Variants in ANKRD13C observed in about 807,000 individuals in gnomAD.
ANKRD13C encodes ankyrin repeat domain-containing protein 13C.
In ANKRD13C, 16 loss-of-function variants were observed where a neutral mutation model predicts 65.5. That is an observed-to-expected ratio of 0.24 (90% CI 0.17 to 0.37). The LOEUF (loss-of-function observed/expected upper bound fraction) is 0.37, where lower values mean the gene tolerates loss of function less well. ANKRD13C is among the 10% of genes least tolerant of loss of function. The probability of loss-of-function intolerance (pLI) is 1.00; values close to 1 mark genes in which losing one functional copy is unlikely to be tolerated. For missense variants in ANKRD13C, 503 were observed against 655.9 expected (o/e 0.77, Z 2.55); for synonymous variants, 235 against 238.7 (o/e 0.98, Z 0.14).
In ANKRD13C at chr1:70,268,955, T is replaced by C. The variant is rs536494036; in HGVS notation, c.1495+1901A>G. On this transcript the variant is annotated intron_variant, in intron 12 of 12. Coordinates refer to ENST00000370944, the MANE Select transcript of ANKRD13C (RefSeq NM_030816.5). ...GCACAATGTGCAGGTTAGTTACATA[T>C]GTATACATGTGCCATGCTGGTGCGC... Among the ~76,000 whole-genome samples the C allele has an allele frequency of 2.6e-5, 4 of 152,196 alleles. No homozygotes were observed. The East Asian group carries it at 7.7e-4, about 29-fold the overall frequency.
chr1:70,333,975 G>A (rs1681913907), intron 2 of ANKRD13C, among the ~76,000 whole-genome samples: 2 of 152,040 alleles, frequency 1.3e-5, no homozygotes, highest in South Asian at 4.1e-4. Context: ...AGAAAAAAAA[G>A]CCATAACTAT....
intron 1 of ANKRD13C, among the ~76,000 whole-genome samples, chr1:70,342,739 A>AACACACACACACACAC (rs373447795): frequency 2.0e-4 from 23 of 115,362 alleles, no homozygotes; most frequent in African/African-American, 6.5e-4. Context: ...CACACACAAT[A>AACACACACACACACAC]ACACACACAC....
chr1:70,328,618 C>A (rs1294198978), intron 2 of ANKRD13C, among the ~76,000 whole-genome samples: 3 of 152,040 alleles, frequency 2.0e-5, no homozygotes, highest in African/African-American at 7.2e-5. Flanking sequence ...GCCGAGACAG[C>A]GCCATTACAC....
chr1:70,340,120 G>T (rs138966348), intron 1 of ANKRD13C, among the ~76,000 whole-genome samples: 92 of 152,066 alleles, frequency 6.0e-4, no homozygotes, highest in African/African-American at 2.0e-3. Flanking sequence ...AAAATATTGG[G>T]ATTATAGGCA....
At chr1:70,324,792 T>G in intron 3 of ANKRD13C, 61 bp downstream of exon 3, 1 of 1,214,156 alleles carries the variant, frequency 8.2e-7, no homozygotes, top group Non-Finnish European at 1.2e-6. Flanking sequence ...GAAGAATATT[T>G]CAAATGCATC....
At chr1:70,282,643 C>T (rs547737504) in intron 9 of ANKRD13C, among the ~76,000 whole-genome samples, 12 of 152,188 alleles carry the variant, frequency 7.9e-5, no homozygotes, top group African/African-American at 2.2e-4. Flanking sequence ...AGTAGAATGA[C>T]GAAGAGGCTT....
In ANKRD13C at chr1:70,262,582, T is replaced by A. The variant is rs182339214; in HGVS notation, c.*135A>T. ...CTTATTAGAGGCCCATTTCACTGTA[T>A]CGTATTACTGATGTGTCGATTCAAT... On this transcript the variant is annotated 3_prime_UTR_variant, in exon 13 of 13. Transcript: ENST00000370944. 593 of 981,938 alleles carry A rather than the reference T, an allele frequency of 6.0e-4. 4 individuals are homozygous for A. Among genetic ancestry groups the A allele is most frequent in the Admixed American group, 1.7e-3 (64 of 38,716 alleles). 60.8% of individuals were successfully genotyped at this position (981,938 alleles called of 1,614,324 possible).
In ANKRD13C at chr1:70,278,266, G is replaced by A. The variant is rs148843268; in HGVS notation, c.1216-1422C>T. 1.1e-3 allele frequency among the ~76,000 whole-genome samples: 174 copies of A among 152,110 alleles called. 3 individuals carry two copies. In the East Asian group the frequency reaches 0.031, roughly 27 times the overall value. ...CTAGCACTTCGGGAGGTCAAGGCAG[G>A]TGGATCACTTGAGGTGAGGGGTTCA... is the stretch of plus-strand genomic sequence containing the variant. On this transcript the variant is annotated intron_variant, in intron 9 of 12. Transcript: ENST00000370944.
Position 70,354,245 on chromosome 1 carries a change from C to A in ANKRD13C, c.164G>T (p.Ser55Ile). ...KGGKACHKIFSNHHHRLQLKA... is the reference protein window; with the variant it reads ...KGGKACHKIFINHHHRLQLKA... ...CAGCTGTAGCCGGTGGTGATGGTTA[C>A]TGAAGATCTTATGACAAGCTTTGCC... Residue 55 changes from serine (S) to isoleucine (I), a missense_variant, in exon 1 of 13, where the codon AGT becomes ATT. Transcript: ENST00000370944. The A allele has an allele frequency of 6.2e-7, 1 of 1,613,584 alleles. No individual in the cohort carries two copies. Among genetic ancestry groups the A allele is most frequent in the Non-Finnish European group, 8.5e-7 (1 of 1,180,034 alleles).
At chr1:70,274,473 CAA>C (rs769480539) in intron 11 of ANKRD13C, among the ~76,000 whole-genome samples, 540 of 38,622 alleles carry the variant, frequency 0.014, 1 homozygote, top group African/African-American at 0.043. Flanking sequence ...GACTCCATCT[CAA>C]AAAAAAAAAA....
chr1:70,296,399 TA>T (rs1483940806), intron 7 of ANKRD13C, 138 bp from the exon 8 acceptor site: 2 of 813,906 alleles, frequency 2.5e-6, no homozygotes, highest in Non-Finnish European at 3.7e-6. Context: ...TGTGAAGTGT[TA>T]CTTACTCTAA....
At chr1:70,323,517 C>A (rs868669439) in intron 3 of ANKRD13C, among the ~76,000 whole-genome samples, 34 of 151,786 alleles carry the variant, frequency 2.2e-4, no homozygotes, top group South Asian at 2.1e-3. Context: ...GTGGCAGGCA[C>A]CTGTGATCCC....
At chr1:70,316,941 A>T (rs1681098476) in intron 3 of ANKRD13C, among the ~76,000 whole-genome samples, 1 of 152,200 alleles carries the variant, frequency 6.6e-6, no homozygotes, top group Admixed American at 6.5e-5. Flanking sequence ...GCTTTTTAAA[A>T]ATCAGTAAAT....
Position 70,268,978 on chromosome 1 carries a change from C to T in ANKRD13C, c.1495+1878G>A, listed in dbSNP as rs373605098. On this transcript the variant is annotated intron_variant, in intron 12 of 12. Coordinates refer to ENST00000370944, the MANE Select transcript of ANKRD13C (RefSeq NM_030816.5). ...TATGTATACATGTGCCATGCTGGTGCGCTGCACCCACTAACTCGTCATCTA... is the reference window on the plus strand; with the variant it reads ...TATGTATACATGTGCCATGCTGGTGTGCTGCACCCACTAACTCGTCATCTA... 4.9e-4 allele frequency among the ~76,000 whole-genome samples: 74 copies of T among 151,680 alleles called. 2 individuals carry two copies. Among genetic ancestry groups the T allele is most frequent in the Admixed American group, 8.5e-4 (13 of 15,222 alleles).
chr1:70,299,846 A>T (rs1429479775), intron 7 of ANKRD13C, among the ~76,000 whole-genome samples: 1 of 152,208 alleles, frequency 6.6e-6, no homozygotes, highest in Admixed American at 6.5e-5. Context: ...GTATGGACAC[A>T]AACATATATT....
intron 4 of ANKRD13C, 75 bp from the exon 5 acceptor site, chr1:70,313,865 C>T: frequency 1.9e-6 from 2 of 1,059,334 alleles, no homozygotes; most frequent in Non-Finnish European, 2.9e-6. Context: ...TATGGCTATT[C>T]CTTAAAACAT....
At chr1:70,304,940 T>C (rs1680524440) in intron 6 of ANKRD13C, among the ~76,000 whole-genome samples, 1 of 152,166 alleles carries the variant, frequency 6.6e-6, no homozygotes, top group South Asian at 2.1e-4. Context: ...AGCACTTTTA[T>C]AATTAGAAAC....
chr1:70,337,666 A>C (rs1213919527), intron 1 of ANKRD13C, among the ~76,000 whole-genome samples: 1 of 152,230 alleles, frequency 6.6e-6, no homozygotes, highest in Non-Finnish European at 1.5e-5. Flanking sequence ...GGATTACAGA[A>C]AATCTCTTGA....
intron 11 of ANKRD13C, among the ~76,000 whole-genome samples, chr1:70,272,508 C>T (rs757945305): frequency 1.3e-5 from 2 of 152,100 alleles, no homozygotes; most frequent in Non-Finnish European, 2.9e-5. Context: ...GTGTGCACCA[C>T]CATGTCCGGC....
Sources: allele counts gnomAD v4.1 joint callset (sites outside exome capture counted in the v4.1 genomes callset), GRCh38; gene constraint gnomAD v4.1.1; transcripts MANE v1.5; gene names NCBI Gene and HGNC (gene_info 2026-07-23, HGNC 2026-07-21).